The following TEAD1 variants were observed in gnomAD, a reference collection of about 807,000 sequenced individuals.
TEAD1 encodes the protein TEA domain transcription factor 1.
TEAD1 carries 9 observed loss-of-function variants against 54.9 expected under a neutral mutation model. The ratio of observed to expected loss-of-function variants is 0.16; its 90% CI spans 0.10 to 0.29. TEAD1 has a LOEUF of 0.29. TEAD1 is among the 10% of genes least tolerant of loss of function. The pLI, the probability that TEAD1 is intolerant of heterozygous loss-of-function variation, is 1.00. For missense variants in TEAD1, 387 were observed against 535.9 expected, an observed-to-expected ratio of 0.72 and a Z score of 2.74; for synonymous variants, 200 against 187.8, an observed-to-expected ratio of 1.07 and a Z score of -0.53.
intron 5 of TEAD1, among the ~76,000 whole-genome samples, chr11:12,866,632 CTT>C (rs1465470718): frequency 1.3e-5 from 2 of 152,204 alleles, no homozygotes; most frequent in Non-Finnish European, 1.5e-5. Flanking sequence ...GGGCCACTCT[CTT>C]TTGGGGCAGG....
intron 9 of TEAD1, among the ~76,000 whole-genome samples, chr11:12,883,817 T>C (rs914337117): frequency 3.9e-5 from 6 of 151,934 alleles, no homozygotes; most frequent in Non-Finnish European, 5.9e-5. Flanking sequence ...ATCAAGACCA[T>C]CTTGGCCAAC....
At chr11:12,863,393 G>A (rs1369030825) in intron 4 of TEAD1, among the ~76,000 whole-genome samples, 1 of 152,152 alleles carries the variant, frequency 6.6e-6, no homozygotes, top group Non-Finnish European at 1.5e-5. Context: ...AATCACAGAA[G>A]AACAAAATTC....
intron 3 of TEAD1, among the ~76,000 whole-genome samples, chr11:12,834,065 G>C (rs1394119884): frequency 5.3e-5 from 8 of 152,212 alleles, no homozygotes; most frequent in Non-Finnish European, 1.0e-4. Context: ...ATCCGAGAGA[G>C]ATGACTTGGA....
At chr11:12,829,071 G>A (rs982673032) in intron 3 of TEAD1, among the ~76,000 whole-genome samples, 1 of 152,094 alleles carries the variant, frequency 6.6e-6, no homozygotes, top group Non-Finnish European at 1.5e-5. Flanking sequence ...AGAGCCATCG[G>A]TTTGTTATTG....
At chr11:12,748,989 A>G (rs943226045) in intron 2 of TEAD1, among the ~76,000 whole-genome samples, 15 of 152,160 alleles carry the variant, frequency 9.9e-5, no homozygotes, top group African/African-American at 3.4e-4. Flanking sequence ...GAGAAACATC[A>G]TCTCTGAGAG....
At chr11:12,909,251 A>G (rs1332728330) in intron 10 of TEAD1, among the ~76,000 whole-genome samples, 5 of 152,214 alleles carry the variant, frequency 3.3e-5, no homozygotes, top group Non-Finnish European at 7.3e-5. Flanking sequence ...CCATTTCAAC[A>G]GTTCTAAAAT....
chr11:12,908,373 G>A (rs1948555790), intron 10 of TEAD1, among the ~76,000 whole-genome samples: 1 of 152,126 alleles, frequency 6.6e-6, no homozygotes, highest in Admixed American at 6.5e-5. Context: ...CCCTGCCCAT[G>A]GAAAGCCCAG....
chr11:12,770,289 T>C (rs1249720799), intron 3 of TEAD1, among the ~76,000 whole-genome samples: 1 of 152,108 alleles, frequency 6.6e-6, no homozygotes, highest in East Asian at 1.9e-4. Context: ...GCAATCCGGG[T>C]ACAAAGTAGC....
At chr11:12,905,734 C>G (rs1345312993) in intron 10 of TEAD1, among the ~76,000 whole-genome samples, 1 of 152,148 alleles carries the variant, frequency 6.6e-6, no homozygotes, top group Non-Finnish European at 1.5e-5. Context: ...ATACCCAGTC[C>G]TTTTCTTCTC....
chr11:12,775,986 G>A (rs949375887), intron 3 of TEAD1, among the ~76,000 whole-genome samples: 25 of 152,074 alleles, frequency 1.6e-4, no homozygotes, highest in South Asian at 8.3e-4. Flanking sequence ...GGGTTCACCC[G>A]GGGAAGTTAC....
intron 3 of TEAD1, among the ~76,000 whole-genome samples, chr11:12,806,460 C>T (rs907401002): frequency 6.6e-5 from 10 of 151,742 alleles, no homozygotes; most frequent in African/African-American, 2.2e-4. Flanking sequence ...GGTCCTTGGT[C>T]GATGGTCTAA....
chr11:12,703,035 A>G (rs1036486339), intron 2 of TEAD1, among the ~76,000 whole-genome samples: 1 of 152,104 alleles, frequency 6.6e-6, no homozygotes, highest in Non-Finnish European at 1.5e-5. Flanking sequence ...GCTCCAGGTT[A>G]CTTGTTCTGA....
At chr11:12,733,094 A>T (rs577811811) in intron 2 of TEAD1, among the ~76,000 whole-genome samples, 1 of 152,202 alleles carries the variant, frequency 6.6e-6, no homozygotes, top group Non-Finnish European at 1.5e-5. Context: ...CTTGGGCTTC[A>T]TCAGCCCTTT....
At chr11:12,770,747 G>T (rs1232353228) in intron 3 of TEAD1, among the ~76,000 whole-genome samples, 2 of 152,178 alleles carry the variant, frequency 1.3e-5, no homozygotes, top group Non-Finnish European at 2.9e-5. Context: ...TATTGATATG[G>T]AAGGAAGTAT....
At chr11:12,890,869 A>G (rs938108410) in intron 9 of TEAD1, among the ~76,000 whole-genome samples, 21 of 152,160 alleles carry the variant, frequency 1.4e-4, no homozygotes, top group South Asian at 2.1e-4. Context: ...GGTTCAAGCA[A>G]TTCCCCTGCC....
intron 2 of TEAD1, among the ~76,000 whole-genome samples, chr11:12,715,954 A>T (rs990041874): frequency 1.3e-5 from 2 of 152,056 alleles, no homozygotes; most frequent in African/African-American, 4.8e-5. Context: ...AACAATCGTA[A>T]TTCATTTTTT....
chr11:12,740,728 G>C, intron 2 of TEAD1, among the ~76,000 whole-genome samples: 1 of 152,088 alleles, frequency 6.6e-6, no homozygotes, highest in East Asian at 1.9e-4. Flanking sequence ...ACTGCCCCCT[G>C]CCCCGTGATT....
chr11:12,796,878 G>A (rs1434215228), intron 3 of TEAD1, among the ~76,000 whole-genome samples: 3 of 152,254 alleles, frequency 2.0e-5, no homozygotes, highest in East Asian at 1.9e-4. Flanking sequence ...TTGGGAGGCC[G>A]AGGTGGGCGG....
intron 11 of TEAD1, among the ~76,000 whole-genome samples, chr11:12,926,785 C>T (rs929804267): frequency 6.6e-6 from 1 of 151,892 alleles, no homozygotes. Context: ...GTGGGGAGGG[C>T]GGGAATTGGC....
Sources: gnomAD v4.1 joint callset for allele counts (sites outside exome capture counted in the v4.1 genomes callset) on GRCh38, gnomAD v4.1.1 for gene constraint, MANE v1.5 for transcripts, NCBI Gene and HGNC (gene_info 2026-07-23, HGNC 2026-07-21) for gene names.